The following PRKN variants were observed in gnomAD, a reference collection of about 807,000 sequenced individuals.
PRKN encodes the protein parkin RBR E3 ubiquitin protein ligase, also known as E3 ubiquitin-protein ligase parkin.
In PRKN, 56 loss-of-function variants were observed where a neutral mutation model predicts 59.5. The ratio of observed to expected loss-of-function variants is 0.94; its 90% confidence interval spans 0.76 to 1.18. The LOEUF is 1.18. Ranked by LOEUF, PRKN falls within the 50% of genes most tolerant of loss-of-function variation. PRKN has a pLI of 0.00. For synonymous variants in PRKN, 250 were observed against 222.1 expected, an observed-to-expected ratio of 1.13 and a Z score of -1.12; for missense variants, 657 against 596.4, an observed-to-expected ratio of 1.10 and a Z score of -1.06.
chr6:162,443,011 A>G (rs1241566746), intron 2 of PRKN, among the ~76,000 whole-genome samples: 2 of 152,288 alleles, frequency 1.3e-5, no homozygotes, highest in Admixed American at 1.3e-4. Context: ...TTGAACAGAC[A>G]CAGAAATTGT....
chr6:161,843,245 C>G (rs1213187529), intron 6 of PRKN, among the ~76,000 whole-genome samples: 1 of 152,156 alleles, frequency 6.6e-6, no homozygotes, highest in Non-Finnish European at 1.5e-5. Flanking sequence ...TGAATAACAG[C>G]CCCTCATGAG....
intron 4 of PRKN, among the ~76,000 whole-genome samples, chr6:162,123,357 G>T (rs1780995006): frequency 6.6e-6 from 1 of 152,140 alleles, no homozygotes; most frequent in Non-Finnish European, 1.5e-5. Flanking sequence ...ATGGCTGAAG[G>T]AAAAGGTAAT....
intron 3 of PRKN, among the ~76,000 whole-genome samples, chr6:162,224,085 A>C (rs533155476): frequency 8.1e-5 from 12 of 148,270 alleles, no homozygotes; most frequent in African/African-American, 3.0e-4. Context: ...ATACCCCAAA[A>C]AGATTTTTTT....
chr6:162,266,043 C>T (rs990225219), intron 2 of PRKN, among the ~76,000 whole-genome samples: 4 of 152,094 alleles, frequency 2.6e-5, no homozygotes, highest in African/African-American at 7.2e-5. Flanking sequence ...CATCAGGATC[C>T]GAGTATACTC....
intron 1 of PRKN, among the ~76,000 whole-genome samples, chr6:162,578,785 C>T (rs1780663828): frequency 6.6e-6 from 1 of 152,174 alleles, no homozygotes; most frequent in South Asian, 2.1e-4. Flanking sequence ...AAATTCATCT[C>T]ATCAAAATGC....
chr6:162,404,718 A>G (rs1021106163), intron 2 of PRKN, among the ~76,000 whole-genome samples: 2 of 151,924 alleles, frequency 1.3e-5, no homozygotes, highest in African/African-American at 4.8e-5. Context: ...ACACCCAGCT[A>G]ATTTTGTATT....
At chr6:161,600,006 T>C (rs1782051439) in intron 7 of PRKN, among the ~76,000 whole-genome samples, 1 of 152,218 alleles carries the variant, frequency 6.6e-6, no homozygotes, top group Admixed American at 6.5e-5. Context: ...ACCATGTTTG[T>C]TTCTTCAACC....
chr6:161,975,887 C>T (rs1048762714), intron 5 of PRKN, among the ~76,000 whole-genome samples: 1 of 152,080 alleles, frequency 6.6e-6, no homozygotes, highest in African/African-American at 2.4e-5. Flanking sequence ...ATATGTGACT[C>T]TCAAAAATCT....
chr6:162,692,562 C>T (rs1214238807), intron 1 of PRKN, among the ~76,000 whole-genome samples: 1 of 76,750 alleles, frequency 1.3e-5, no homozygotes, highest in Non-Finnish European at 2.6e-5. Flanking sequence ...TCCACACCTA[C>T]AAGACAGACC....
intron 7 of PRKN, among the ~76,000 whole-genome samples, chr6:161,660,290 G>T (rs1256089525): frequency 2.0e-5 from 3 of 152,182 alleles, no homozygotes; most frequent in African/African-American, 7.2e-5. Context: ...TGGTATGGCT[G>T]CAGGACTCAG....
At chr6:161,988,154 G>T (rs1290017165) in intron 5 of PRKN, among the ~76,000 whole-genome samples, 1 of 152,144 alleles carries the variant, frequency 6.6e-6, no homozygotes, top group East Asian at 1.9e-4. Flanking sequence ...AAGTCAGGAA[G>T]AGTCAGTTCT....
At chr6:162,581,943 G>A (rs1206241475) in intron 1 of PRKN, among the ~76,000 whole-genome samples, 2 of 152,102 alleles carry the variant, frequency 1.3e-5, no homozygotes, top group East Asian at 1.9e-4. Context: ...CAGGGAGAGG[G>A]GGAATCATGT....
chr6:161,952,242 TCA>T (rs1780016896), intron 6 of PRKN, among the ~76,000 whole-genome samples: 1 of 152,184 alleles, frequency 6.6e-6, no homozygotes, highest in Admixed American at 6.5e-5. Context: ...AGATGAATGA[TCA>T]CAGAGTAGCC....
At chr6:161,779,386 A>G (rs1291607125) in intron 7 of PRKN, among the ~76,000 whole-genome samples, 2 of 122,560 alleles carry the variant, frequency 1.6e-5, no homozygotes, top group East Asian at 4.9e-4. Context: ...ATAAGCTTTG[A>G]TCCTATTCTT....
intron 4 of PRKN, among the ~76,000 whole-genome samples, chr6:162,196,521 A>G (rs1412674931): frequency 2.0e-5 from 3 of 152,184 alleles, no homozygotes; most frequent in African/African-American, 4.8e-5. Context: ...ATGCTTGCCA[A>G]TTAGCTATTG....
intron 4 of PRKN, among the ~76,000 whole-genome samples, chr6:162,114,910 G>T (rs916054142): frequency 6.6e-6 from 1 of 151,946 alleles, no homozygotes; most frequent in Non-Finnish European, 1.5e-5. Flanking sequence ...TTGTAAACTA[G>T]TTCAACCATT....
chr6:161,667,043 T>C (rs1162797562), intron 7 of PRKN, among the ~76,000 whole-genome samples: 1 of 152,216 alleles, frequency 6.6e-6, no homozygotes, highest in Non-Finnish European at 1.5e-5. Flanking sequence ...GGCCAGTGTC[T>C]GTCTTCTATG....
At chr6:162,042,815 T>G (rs1203310412) in intron 5 of PRKN, among the ~76,000 whole-genome samples, 1 of 152,196 alleles carries the variant, frequency 6.6e-6, no homozygotes, top group Non-Finnish European at 1.5e-5. Flanking sequence ...ATAATTCTTG[T>G]GAACATCAGT....
chr6:162,334,262 A>G (rs746601561), intron 2 of PRKN, among the ~76,000 whole-genome samples: 3 of 152,254 alleles, frequency 2.0e-5, no homozygotes, highest in Non-Finnish European at 2.9e-5. Context: ...TAGAGAAAAC[A>G]GCCTTTTATT....
Sources: gnomAD v4.1 joint callset for allele counts (sites outside exome capture counted in the v4.1 genomes callset) on GRCh38, gnomAD v4.1.1 for gene constraint, MANE v1.5 for transcripts, NCBI Gene and HGNC (gene_info 2026-07-23, HGNC 2026-07-21) for gene names.